The following COMMD1 variants were observed in gnomAD, a reference collection of about 807,000 sequenced individuals.
COMMD1 encodes the protein COMM domain-containing protein 1.
In COMMD1, 10 loss-of-function variants were observed where a neutral mutation model predicts 17.2. That is an observed-to-expected ratio of 0.58 (90% CI 0.36 to 0.99). The LOEUF is 0.99. Among genes scored for constraint, COMMD1 ranks in the 50% least tolerant of loss-of-function variants. The pLI, the probability that COMMD1 is intolerant of heterozygous loss-of-function variation, is 0.01. For missense variants in COMMD1, 270 were observed against 231.8 expected (o/e 1.17, Z -1.07); for synonymous variants, 97 against 91.6 (o/e 1.06, Z -0.34).
At chr2:62,132,080 G>A (rs1673054038) in intron 2 of COMMD1, among the ~76,000 whole-genome samples, 1 of 151,230 alleles carries the variant, frequency 6.6e-6, no homozygotes, top group Admixed American at 6.6e-5. Context: ...ATAAAGATGG[G>A]GTTTCACCAT....
intron 1 of COMMD1, among the ~76,000 whole-genome samples, chr2:61,970,888 G>T (rs2103722949): frequency 6.6e-6 from 1 of 152,210 alleles, no homozygotes; most frequent in South Asian, 2.1e-4. Context: ...TTTGGTCATA[G>T]AATTCATGTC....
rs1573074978 is a variant in COMMD1 at position 62,017,023 on chromosome 2, A to G, written c.462+16041A>G. 2.0e-5 allele frequency among the ~76,000 whole-genome samples: 3 copies of G among 152,244 alleles called. No homozygotes were observed. The East Asian group carries it at 5.8e-4, about 29-fold the overall frequency. ...TTTATCATGTTTCTGAATTTTCTAGATAACTCTGTATAATTAATTAAACAG... is the reference window on the plus strand; with the variant it reads ...TTTATCATGTTTCTGAATTTTCTAGGTAACTCTGTATAATTAATTAAACAG... On this transcript the variant is annotated intron_variant, in intron 2 of 2. Transcript: ENST00000311832.
chr2:61,976,986 C>T (rs1671819573), intron 1 of COMMD1, among the ~76,000 whole-genome samples: 1 of 150,924 alleles, frequency 6.6e-6, no homozygotes, highest in Non-Finnish European at 1.5e-5. Context: ...GTACCACCAC[C>T]AGCTAATTTT....
chr2:62,098,054 C>T (rs531866763), intron 2 of COMMD1, among the ~76,000 whole-genome samples: 1 of 151,818 alleles, frequency 6.6e-6, no homozygotes, highest in East Asian at 1.9e-4. Context: ...CTCTTGGGGT[C>T]GCTTAGATCT....
chr2:62,133,724 G>C (rs888653779), intron 2 of COMMD1, among the ~76,000 whole-genome samples: 41 of 152,158 alleles, frequency 2.7e-4, no homozygotes, highest in African/African-American at 8.9e-4. Context: ...TAGTAGATAA[G>C]AGTTATTTTA....
chr2:62,042,108 GATTGGTCTGTT>G (rs1311098751), intron 2 of COMMD1, among the ~76,000 whole-genome samples: 7 of 152,202 alleles, frequency 4.6e-5, no homozygotes, highest in African/African-American at 1.7e-4. Context: ...ACAGAGAGCT[GATTGGTCTGTT>G]TGACAGAGCG....
At chr2:61,994,089 C>A (rs1475624763) in intron 1 of COMMD1, among the ~76,000 whole-genome samples, 1 of 152,090 alleles carries the variant, frequency 6.6e-6, no homozygotes, top group Non-Finnish European at 1.5e-5. Context: ...CGGGTTCAAG[C>A]GATTCTCCTG....
At chr2:62,116,944 G>A (rs563747845) in intron 2 of COMMD1, among the ~76,000 whole-genome samples, 7 of 149,196 alleles carry the variant, frequency 4.7e-5, no homozygotes, top group East Asian at 2.0e-4. Flanking sequence ...GTGGTGAGCC[G>A]AGATCGCACC....
intron 1 of COMMD1, among the ~76,000 whole-genome samples, chr2:61,919,093 ACT>A (rs1670119132): frequency 2.0e-5 from 3 of 149,898 alleles, no homozygotes; most frequent in South Asian, 4.2e-4. Context: ...CTCACCGAAG[ACT>A]CTGCCTCTCA....
intron 1 of COMMD1, among the ~76,000 whole-genome samples, chr2:61,894,756 A>G (rs953206854): frequency 5.3e-5 from 8 of 151,672 alleles, no homozygotes; most frequent in Admixed American, 2.0e-4. Flanking sequence ...CTGGAGTGCA[A>G]TGGTGCGATC....
intron 1 of COMMD1, among the ~76,000 whole-genome samples, chr2:61,948,048 AAAAT>A (rs1331028600): frequency 6.6e-6 from 1 of 152,182 alleles, no homozygotes; most frequent in African/African-American, 2.4e-5. Flanking sequence ...GTATACATAT[AAAAT>A]AAATGTCTGC....
chr2:62,104,471 T>C (rs376999105), intron 2 of COMMD1, among the ~76,000 whole-genome samples: 14 of 151,270 alleles, frequency 9.3e-5, no homozygotes, highest in African/African-American at 3.4e-4. Flanking sequence ...CCATCTCTAA[T>C]AAAAATGCAA....
intron 2 of COMMD1, among the ~76,000 whole-genome samples, chr2:62,045,393 A>G (rs1214501159): frequency 1.3e-5 from 2 of 152,210 alleles, no homozygotes; most frequent in Non-Finnish European, 2.9e-5. Context: ...GCTGCTGAGC[A>G]GTAAAGATTT....
intron 1 of COMMD1, among the ~76,000 whole-genome samples, chr2:61,913,899 C>T (rs1392503300): frequency 6.0e-5 from 9 of 150,044 alleles, no homozygotes; most frequent in South Asian, 2.1e-4. Context: ...CCCCTGGGTG[C>T]GGTGGCTCAC....
chr2:61,902,472 CTCCA>C (rs10602539), upstream of COMMD1, among the ~76,000 whole-genome samples: 11,445 of 151,622 alleles, frequency 0.075, 845 homozygotes, highest in African/African-American at 0.19. Flanking sequence ...TGCCATTGCA[CTCCA>C]TCCAGCCTGG....
At chr2:62,070,107 A>G (rs1177563416) in intron 2 of COMMD1, 1 of 152,206 alleles carries the variant, frequency 6.6e-6, no homozygotes, top group Non-Finnish European at 1.5e-5. Flanking sequence ...CCAACTGGCT[A>G]TAAATTGGAG....
rs534362492 is a variant in COMMD1, at chr2:61,918,172, T to G, written c.180+12314T>G. ...TTGGCTACTCAACAATAAAAATTTA[T>G]TATCCAAAAAGATGTCTAAATATTT... is the stretch of plus-strand genomic sequence containing the variant. On this transcript the variant is annotated intron_variant, in intron 1 of 2. Coordinates refer to ENST00000311832, the MANE Select transcript of COMMD1 (RefSeq NM_152516.4). Among the ~76,000 whole-genome samples, 16 of 152,374 alleles carry G rather than the reference T, an allele frequency of 1.1e-4. No individual in the cohort carries two copies. The South Asian group carries it at 3.3e-3, about 32-fold the overall frequency.
chr2:61,952,888 C>T (rs1332539132), intron 1 of COMMD1, among the ~76,000 whole-genome samples: 4 of 152,202 alleles, frequency 2.6e-5, no homozygotes, highest in Non-Finnish European at 5.9e-5. Context: ...GTATGTTCAA[C>T]TTTTAAAGAA....
At chr2:61,929,487 C>A (rs571779468) in intron 1 of COMMD1, among the ~76,000 whole-genome samples, 1 of 152,234 alleles carries the variant, frequency 6.6e-6, no homozygotes, top group African/African-American at 2.4e-5. Flanking sequence ...ATACATTTCC[C>A]CTAGTTTATT....
Sources: allele counts gnomAD v4.1 joint callset (sites outside exome capture counted in the v4.1 genomes callset), GRCh38; gene constraint gnomAD v4.1.1; transcripts MANE v1.5; gene names NCBI Gene and HGNC (gene_info 2026-07-23, HGNC 2026-07-21).